Variants in ST6GALNAC3 observed in about 807,000 individuals in gnomAD.
The protein encoded by ST6GALNAC3 is ST6 N-acetylgalactosaminide alpha-2,6-sialyltransferase 3.
Under a neutral mutation model 32.7 loss-of-function variants are expected in ST6GALNAC3, and 25 were observed. The ratio of observed to expected loss-of-function variants is 0.76; its 90% CI spans 0.56 to 1.07. The LOEUF (loss-of-function observed/expected upper bound fraction) is 1.07. Among genes scored for constraint, ST6GALNAC3 ranks in the 50% least tolerant of loss-of-function variants. ST6GALNAC3 has a pLI of 0.00. For missense variants in ST6GALNAC3, 355 were observed against 382.4 expected, an observed-to-expected ratio of 0.93 and a Z score of 0.60; for synonymous variants, 129 against 133.1, an observed-to-expected ratio of 0.97 and a Z score of 0.21.
At chr1:76,555,281 ATAAT>A (rs1378250039) in intron 3 of ST6GALNAC3, among the ~76,000 whole-genome samples, 3 of 152,332 alleles carry the variant, frequency 2.0e-5, no homozygotes, top group South Asian at 4.1e-4. Flanking sequence ...ATTACTTGAA[ATAAT>A]TAAATAATAA....
At chr1:76,516,806 C>T (rs908951690) in intron 3 of ST6GALNAC3, among the ~76,000 whole-genome samples, 3 of 151,888 alleles carry the variant, frequency 2.0e-5, no homozygotes, top group Admixed American at 6.6e-5. Flanking sequence ...TTTCTATTAG[C>T]TTGTCTTTAT....
chr1:76,277,451 A>G (rs931930386), intron 1 of ST6GALNAC3, among the ~76,000 whole-genome samples: 1 of 151,070 alleles, frequency 6.6e-6, no homozygotes, highest in Non-Finnish European at 1.5e-5. Context: ...ATTAATTTCT[A>G]TATTCAAAAA....
rs370743310 is a variant in ST6GALNAC3 at position 76,343,344 on chromosome 1, A to G, written c.213+29345A>G. Among the ~76,000 whole-genome samples, 10 of 152,340 alleles carry G rather than the reference A, an allele frequency of 6.6e-5. No individual in the cohort carries two copies. In the South Asian group the frequency reaches 1.9e-3, roughly 28 times the overall value. ...TTAGCAACTCTTTCAGTAACAGAACATCTTTTGTATAACCTGAACTTTTAT... is the reference window on the plus strand; with the variant it reads ...TTAGCAACTCTTTCAGTAACAGAACGTCTTTTGTATAACCTGAACTTTTAT... On this transcript the variant is annotated intron_variant, in intron 2 of 4. Coordinates refer to ENST00000328299, the MANE Select transcript of ST6GALNAC3 (RefSeq NM_152996.4).
chr1:76,408,045 T>C (rs1391279361), intron 2 of ST6GALNAC3, among the ~76,000 whole-genome samples: 2 of 152,084 alleles, frequency 1.3e-5, no homozygotes, highest in Non-Finnish European at 2.9e-5. Context: ...TAGGTATTTC[T>C]TTCTTTTTGT....
At chr1:76,299,721 G>C in intron 1 of ST6GALNAC3, among the ~76,000 whole-genome samples, 1 of 151,934 alleles carries the variant, frequency 6.6e-6, no homozygotes, top group East Asian at 1.9e-4. Context: ...CTTCCCTGGG[G>C]ACTAACTTCA....
intron 2 of ST6GALNAC3, among the ~76,000 whole-genome samples, chr1:76,332,395 T>G (rs559535858): frequency 6.6e-6 from 1 of 152,296 alleles, no homozygotes; most frequent in South Asian, 2.1e-4. Context: ...TTTAGAAAAA[T>G]TGGGATTCTG....
intron 1 of ST6GALNAC3, among the ~76,000 whole-genome samples, chr1:76,156,525 A>ATACTAC (rs906362256): frequency 1.1e-4 from 16 of 150,838 alleles, no homozygotes; most frequent in African/African-American, 3.9e-4. Context: ...ATCAAATAGT[A>ATACTAC]TACTACTAGA....
intron 3 of ST6GALNAC3, among the ~76,000 whole-genome samples, chr1:76,430,106 C>G (rs1449995941): frequency 6.6e-6 from 1 of 152,144 alleles, no homozygotes; most frequent in East Asian, 1.9e-4. Flanking sequence ...AATTGAGTTA[C>G]CAAGTCCACA....
chr1:76,506,031 A>G (rs1407323827), intron 3 of ST6GALNAC3, among the ~76,000 whole-genome samples: 1 of 129,440 alleles, frequency 7.7e-6, no homozygotes, highest in East Asian at 2.0e-4. Flanking sequence ...TATATGAAAC[A>G]TGGGCTTTAT....
chr1:76,420,098 C>T (rs1654928144), intron 3 of ST6GALNAC3, among the ~76,000 whole-genome samples: 1 of 152,014 alleles, frequency 6.6e-6, no homozygotes, highest in East Asian at 1.9e-4. Flanking sequence ...AGTAGGTCCT[C>T]TAGATCAGTA....
intron 1 of ST6GALNAC3, among the ~76,000 whole-genome samples, chr1:76,275,037 T>C (rs1399163829): frequency 6.6e-6 from 1 of 152,268 alleles, no homozygotes; most frequent in African/African-American, 2.4e-5. Flanking sequence ...AGAAGCTGAC[T>C]ATGCTCTACG....
intron 1 of ST6GALNAC3, among the ~76,000 whole-genome samples, chr1:76,181,372 G>A (rs981902145): frequency 3.3e-5 from 5 of 152,190 alleles, no homozygotes; most frequent in South Asian, 2.1e-4. Context: ...CTAAAAAAGT[G>A]TAGGCTACCT....
intron 2 of ST6GALNAC3, among the ~76,000 whole-genome samples, chr1:76,351,296 T>C (rs1648959041): frequency 6.6e-6 from 1 of 152,180 alleles, no homozygotes; most frequent in Non-Finnish European, 1.5e-5. Flanking sequence ...CAAAGAAATG[T>C]GTGGGCCTAA....
intron 1 of ST6GALNAC3, among the ~76,000 whole-genome samples, chr1:76,112,130 C>T (rs1450448504): frequency 7.0e-6 from 1 of 141,894 alleles, no homozygotes; most frequent in Non-Finnish European, 1.6e-5. Flanking sequence ...ACACTCCCAC[C>T]TCCCTCCCGG....
At chr1:76,169,888 G>T (rs1310911594) in intron 1 of ST6GALNAC3, among the ~76,000 whole-genome samples, 1 of 152,126 alleles carries the variant, frequency 6.6e-6, no homozygotes, top group African/African-American at 2.4e-5. Flanking sequence ...ATTTGGAGAG[G>T]TGATGCAGTC....
At chr1:76,077,135 C>T (rs1251464) in intron 1 of ST6GALNAC3, among the ~76,000 whole-genome samples, 33,203 of 152,156 alleles carry the variant, frequency 0.22, 3,865 homozygotes, top group Middle Eastern at 0.37. Flanking sequence ...CAGTGCAAGC[C>T]TGGCTTCTTG....
chr1:76,525,969 TAAG>T (rs1343124918), intron 3 of ST6GALNAC3, among the ~76,000 whole-genome samples: 2 of 151,088 alleles, frequency 1.3e-5, no homozygotes, highest in East Asian at 3.9e-4. Context: ...GTTCCAAACT[TAAG>T]AGCAAATACC....
At chr1:76,180,876 G>T (rs369271809) in intron 1 of ST6GALNAC3, among the ~76,000 whole-genome samples, 1 of 152,176 alleles carries the variant, frequency 6.6e-6, no homozygotes, top group East Asian at 1.9e-4. Context: ...TGTGTGACCC[G>T]GTTCTTCCAG....
chr1:76,403,557 G>C (rs910874680), intron 2 of ST6GALNAC3, among the ~76,000 whole-genome samples: 2 of 152,104 alleles, frequency 1.3e-5, no homozygotes, highest in Non-Finnish European at 2.9e-5. Context: ...ATTATGTGCA[G>C]GTGCCATCCT....
Sources: gnomAD v4.1 joint callset for allele counts (sites outside exome capture counted in the v4.1 genomes callset) on GRCh38, gnomAD v4.1.1 for gene constraint, MANE v1.5 for transcripts, NCBI Gene and HGNC (gene_info 2026-07-23, HGNC 2026-07-21) for gene names.